CNTNAP4: variants seen among roughly 807,000 people sequenced by gnomAD.
The protein encoded by CNTNAP4 is contactin associated protein family member 4, also known as contactin-associated protein-like 4.
A neutral mutation model predicts 148.4 loss-of-function variants in CNTNAP4; 98 were observed. The observed-to-expected ratio is 0.66, with a 90% CI of 0.56 to 0.78. CNTNAP4 has a LOEUF of 0.78. CNTNAP4 is among the 30% of genes least tolerant of loss of function. The pLI, the probability that CNTNAP4 is intolerant of heterozygous loss-of-function variation, is 0.00. For synonymous variants in CNTNAP4, 730 were observed against 565.1 expected, an observed-to-expected ratio of 1.29 and a Z score of -4.14; for missense variants, 1,935 against 1,565.6, an observed-to-expected ratio of 1.24 and a Z score of -3.98.
rs1329497822 is a variant in CNTNAP4 at position 76,449,841 on chromosome 16, C to G, written c.1054C>G (p.Pro352Ala). ...CATTGATTTGGCCAAGCAGCAAAAA[C>G]CACAGATCATTGCTATGGTGAGAGT... ...DIIDLAKQQK[P>A]QIIAMGNVSF... The change falls in exon 7 of 24, where the codon CCA becomes GCA. Residue 352 changes from proline to alanine, a missense_variant. Pro to Ala is a conservative substitution (Grantham distance 27). Coordinates refer to ENST00000611870, the MANE Select transcript of CNTNAP4 (RefSeq NM_033401.5). The G allele has an allele frequency of 1.9e-6, 3 of 1,608,006 alleles. No individual in the cohort carries two copies. Among genetic ancestry groups the G allele is most frequent in the African/African-American group, 2.7e-5 (2 of 74,720 alleles).
intron 4 of CNTNAP4, among the ~76,000 whole-genome samples, chr16:76,447,492 A>T (rs143952282): frequency 6.6e-6 from 1 of 152,032 alleles, no homozygotes. Context: ...TGGTGGTCAT[A>T]TTTTCCCTTA....
rs1303417472 is a variant in CNTNAP4 at position 76,489,761 on chromosome 16, A to G, written c.1958A>G (p.Tyr653Cys). Residue 653 changes from tyrosine (Y) to cysteine (C), a missense_variant, in exon 13 of 24, where the codon TAT becomes TGT. Transcript: ENST00000611870. ...AGAAATACTAATCCAGAGAACCCAT[A>G]TGCTGGGTTTTTCGAGTATGTGGCC... is the stretch of plus-strand genomic sequence containing the variant. ...RVRNTNPENP[Y>C]AGFFEYVASM... 4 of 1,604,630 alleles carry G rather than the reference A, an allele frequency of 2.5e-6. No individual in the cohort carries two copies. The highest frequency in any genetic ancestry group is 2.6e-6 in the Non-Finnish European group (3 of 1,175,056).
At chr16:76,442,205 C>T (rs11645387) in intron 4 of CNTNAP4, among the ~76,000 whole-genome samples, 3,352 of 152,072 alleles carry the variant, frequency 0.022, 58 homozygotes, top group Non-Finnish European at 0.028. Flanking sequence ...TGACACTGGT[C>T]ACATGAAGGA....
rs12599181 is a variant in CNTNAP4, at chr16:76,488,875, G to A, written c.1883-811G>A. Among the ~76,000 whole-genome samples the A allele has an allele frequency of 2.2e-4, 34 of 152,258 alleles. No homozygotes were observed. The South Asian group carries it at 5.4e-3, about 24-fold the overall frequency. ...TTCATCTAAGAAATTTTGATAATCA[G>A]TATGATGGAAATGTTTACAGACATT... On this transcript the variant is annotated intron_variant, in intron 12 of 23. Transcript: ENST00000611870.
intron 2 of CNTNAP4, among the ~76,000 whole-genome samples, chr16:76,345,711 A>C (rs2115389): frequency 0.012 from 1,900 of 152,304 alleles, 56 homozygotes; most frequent in African/African-American, 0.043. Context: ...GGTGGCTCCC[A>C]GGTCCTTGAG....
intron 2 of CNTNAP4, among the ~76,000 whole-genome samples, chr16:76,330,847 A>G (rs1963441924): frequency 6.6e-6 from 1 of 152,238 alleles, no homozygotes; most frequent in Non-Finnish European, 1.5e-5. Context: ...AATATAAGGA[A>G]TGACTATAAT....
chr16:76,526,893 C>T (rs2083756660), intron 17 of CNTNAP4, among the ~76,000 whole-genome samples: 1 of 151,948 alleles, frequency 6.6e-6, no homozygotes, highest in South Asian at 2.1e-4. Flanking sequence ...AGGCTGGTCT[C>T]AAACTCCTGG....
chr16:76,332,668 A>G (rs914513288), intron 2 of CNTNAP4, among the ~76,000 whole-genome samples: 1 of 152,054 alleles, frequency 6.6e-6, no homozygotes, highest in East Asian at 1.9e-4. Flanking sequence ...TTATGCATAC[A>G]TTGATAAACT....
At chr16:76,493,412 C>T (rs997332273) in intron 13 of CNTNAP4, among the ~76,000 whole-genome samples, 1 of 152,034 alleles carries the variant, frequency 6.6e-6, no homozygotes, top group Non-Finnish European at 1.5e-5. Context: ...ACCATATCCA[C>T]GGGTATTTTT....
At chr16:76,342,348 T>C (rs1289055249) in intron 2 of CNTNAP4, among the ~76,000 whole-genome samples, 1 of 152,186 alleles carries the variant, frequency 6.6e-6, no homozygotes, top group African/African-American at 2.4e-5. Context: ...TATGCATCTG[T>C]TGAAGGAAAA....
At position 76,502,637 on chromosome 16, in the gene CNTNAP4, C is replaced by A. The variant is rs1253858250; in HGVS notation, c.2365+3943C>A. ...GACAAGGAAAAGATGAGAGCTTGAA[C>A]TAGGCAATGATTGGCATGGAGCTTT... On this transcript the variant is annotated intron_variant, in intron 15 of 23. Coordinates refer to ENST00000611870, the MANE Select transcript of CNTNAP4 (RefSeq NM_033401.5). Among the ~76,000 whole-genome samples, 4 of 152,238 alleles carry A rather than the reference C, an allele frequency of 2.6e-5. No individual in the cohort carries two copies. The East Asian group carries it at 7.7e-4, about 29-fold the overall frequency.
Position 76,393,269 on chromosome 16 carries a change from A to G in CNTNAP4, c.391-34183A>G, listed in dbSNP as rs148677628. On this transcript the variant is annotated intron_variant, in intron 3 of 23. Transcript: ENST00000611870. ...ATGTCCTATATAGGAAATGTGATGA[A>G]TTGATTAGTGAAATTCAGATGTGGC... 8.3e-4 allele frequency among the ~76,000 whole-genome samples: 127 copies of G among 152,326 alleles called. 1 individual carries two copies. The South Asian group carries it at 0.012, about 15-fold the overall frequency.
intron 21 of CNTNAP4, among the ~76,000 whole-genome samples, chr16:76,545,556 CATA>C (rs958030635): frequency 1.3e-5 from 2 of 149,812 alleles, no homozygotes; most frequent in African/African-American, 5.0e-5. Context: ...GGCAGCCAAG[CATA>C]ATAACACATA....
chr16:76,326,626 T>G (rs984845080), intron 2 of CNTNAP4, among the ~76,000 whole-genome samples: 1 of 151,972 alleles, frequency 6.6e-6, no homozygotes, highest in Non-Finnish European at 1.5e-5. Context: ...CCATAAAAAA[T>G]GATGAGTTCA....
intron 3 of CNTNAP4, among the ~76,000 whole-genome samples, chr16:76,426,045 A>T (rs2079385146): frequency 6.6e-6 from 1 of 152,024 alleles, no homozygotes; most frequent in African/African-American, 2.4e-5. Flanking sequence ...AAATAAAGAG[A>T]TGCCCCGATT....
At chr16:76,403,168 C>T (rs1039538252) in intron 3 of CNTNAP4, among the ~76,000 whole-genome samples, 3 of 151,766 alleles carry the variant, frequency 2.0e-5, no homozygotes, top group Non-Finnish European at 1.5e-5. Context: ...TCTCGACTCA[C>T]TGCAAGCTCC....
intron 1 of CNTNAP4, among the ~76,000 whole-genome samples, chr16:76,290,490 TG>T (rs1347387100): frequency 1.3e-5 from 2 of 152,210 alleles, no homozygotes; most frequent in African/African-American, 4.8e-5. Flanking sequence ...CACTCGCTCA[TG>T]TAGATAACTA....
At chr16:76,446,423 C>T (rs1004176079) in intron 4 of CNTNAP4, among the ~76,000 whole-genome samples, 7 of 152,058 alleles carry the variant, frequency 4.6e-5, no homozygotes, top group East Asian at 1.9e-4. Context: ...TAGACAATAC[C>T]GTCAGGATTT....
chr16:76,341,963 G>C (rs1296181654), intron 2 of CNTNAP4, among the ~76,000 whole-genome samples: 1 of 152,158 alleles, frequency 6.6e-6, no homozygotes, highest in Non-Finnish European at 1.5e-5. Context: ...ACAGAATTTT[G>C]GTCATGACTT....
Sources: allele counts gnomAD v4.1 joint callset (sites outside exome capture counted in the v4.1 genomes callset), GRCh38; gene constraint gnomAD v4.1.1; transcripts MANE v1.5; gene names NCBI Gene and HGNC (gene_info 2026-07-23, HGNC 2026-07-21).